Variants in ECE1 observed in about 807,000 individuals in gnomAD.
The protein encoded by ECE1 is endothelin converting enzyme 1.
In ECE1, 35 loss-of-function variants were observed where a neutral mutation model predicts 98.6. The observed-to-expected ratio is 0.35, with a 90% CI of 0.27 to 0.47. ECE1 has a LOEUF of 0.47. ECE1 is among the 20% of genes least tolerant of loss of function. ECE1 has a pLI of 1.00. For missense variants in ECE1, 814 were observed against 1,025.3 expected (o/e 0.79, Z 2.81); for synonymous variants, 394 against 407.1 (o/e 0.97, Z 0.39).
chr1:21,330,086 C>A (rs1639163259), intron 1 of ECE1, among the ~76,000 whole-genome samples: 1 of 151,016 alleles, frequency 6.6e-6, no homozygotes, highest in South Asian at 2.1e-4. Context: ...CTCCCTGGAC[C>A]AAGTTACTGG....
chr1:21,299,069 A>T (rs1374672692), intron 1 of ECE1: 1 of 351,090 alleles, frequency 2.8e-6, no homozygotes, highest in Non-Finnish European at 5.7e-6. Flanking sequence ...CAATGTGCTG[A>T]TCTAATCACG....
chr1:21,305,896 CTCTGT>C (rs879375534), intron 1 of ECE1, among the ~76,000 whole-genome samples: 2 of 152,336 alleles, frequency 1.3e-5, no homozygotes, highest in Non-Finnish European at 2.9e-5. Context: ...AGAGAGAACC[CTCTGT>C]TCTGAGTGGA....
intron 3 of ECE1, among the ~76,000 whole-genome samples, chr1:21,276,255 A>C (rs2098247024): frequency 6.6e-6 from 1 of 151,806 alleles, no homozygotes. Context: ...TGAACTCTTG[A>C]CCTCAGGTGA....
intron 10 of ECE1, among the ~76,000 whole-genome samples, chr1:21,240,895 C>T (rs891606908): frequency 1.3e-5 from 2 of 152,246 alleles, no homozygotes; most frequent in African/African-American, 4.8e-5. Context: ...CATTCCTTCA[C>T]ACGAGCTTTC....
intron 4 of ECE1, among the ~76,000 whole-genome samples, chr1:21,265,235 G>A (rs991179687): frequency 4.6e-5 from 7 of 152,162 alleles, no homozygotes; most frequent in Admixed American, 3.9e-4. Context: ...GCCTGCGGGA[G>A]GTGACTGGGC....
At chr1:21,288,217 T>C (rs528013931) in intron 2 of ECE1, among the ~76,000 whole-genome samples, 5 of 152,330 alleles carry the variant, frequency 3.3e-5, no homozygotes, top group Admixed American at 2.0e-4. Flanking sequence ...ACTCCAACCA[T>C]AGACAACAGC....
In ECE1 at chr1:21,272,779, G is replaced by A. The variant is rs142092671; in HGVS notation, c.413C>T (p.Pro138Leu). Residue 138 changes from proline to leucine, a missense_variant, in exon 4 of 19, where the codon CCA becomes CTA. Coordinates refer to ENST00000374893, the MANE Select transcript of ECE1 (RefSeq NM_001397.3). ...CCAGCGTGAGTGGCCATCAGGGACT[G>A]GGTTGGCCTTGATCCAGCCCCCACA... is the stretch of plus-strand genomic sequence containing the variant. The part of the protein sequence containing the change: ...YACGGWIKAN[P>L]VPDGHSRWGT... 101 of 1,614,290 alleles carry A rather than the reference G, an allele frequency of 6.3e-5. No homozygotes were observed. In the African/African-American group the frequency reaches 7.9e-4, roughly 13 times the overall value.
At chr1:21,284,484 G>C (rs1431477817) in intron 2 of ECE1, among the ~76,000 whole-genome samples, 1 of 152,218 alleles carries the variant, frequency 6.6e-6, no homozygotes, top group South Asian at 2.1e-4. Flanking sequence ...AAAAGAGAGA[G>C]GTGGAGAATG....
chr1:21,242,087 G>C (rs2098197192), intron 10 of ECE1, among the ~76,000 whole-genome samples: 1 of 152,196 alleles, frequency 6.6e-6, no homozygotes, highest in Admixed American at 6.5e-5. Context: ...GCTGCATGCA[G>C]CGCTTGAGCA....
intron 2 of ECE1, among the ~76,000 whole-genome samples, chr1:21,281,478 T>C (rs1480889610): frequency 6.6e-6 from 1 of 152,192 alleles, no homozygotes; most frequent in African/African-American, 2.4e-5. Context: ...AAAGTGCTTT[T>C]TCAGAGTAAT....
At chr1:21,223,519 T>C (rs918405365) in intron 17 of ECE1, among the ~76,000 whole-genome samples, 1 of 152,192 alleles carries the variant, frequency 6.6e-6, no homozygotes, top group Non-Finnish European at 1.5e-5. Flanking sequence ...CAGGCTGGAG[T>C]GCAGTGGCGC....
chr1:21,224,252 C>G (rs760356520), intron 17 of ECE1, among the ~76,000 whole-genome samples: 1 of 152,138 alleles, frequency 6.6e-6, no homozygotes, highest in African/African-American at 2.4e-5. Flanking sequence ...TTCCTTTTAC[C>G]CCCCGTTATT....
In ECE1 at chr1:21,322,496, C is replaced by T. The variant is rs981330393; in HGVS notation, c.3+22880G>A. On this transcript the variant is annotated intron_variant, in intron 1 of 18. Coordinates refer to the ECE1 transcript ENST00000415912. The surrounding 1 kb of genome is among the most constrained non-coding windows in gnomAD (Gnocchi z 4.1). The stretch of plus-strand genomic sequence containing the variant: ...CCCTTCTCACCTGGCCAGTGCAAGG[C>T]GCAGGCTGAGGCACAGGTTGGGGCT... Among the ~76,000 whole-genome samples, 9 of 152,324 alleles carry T rather than the reference C, an allele frequency of 5.9e-5. No individual in the cohort carries two copies. Among genetic ancestry groups the T allele is most frequent in the Admixed American group, 2.6e-4 (4 of 15,294 alleles).
chr1:21,338,879 C>G (rs975024846), intron 1 of ECE1, among the ~76,000 whole-genome samples: 33 of 152,306 alleles, frequency 2.2e-4, no homozygotes, highest in African/African-American at 7.0e-4. Context: ...ACGCTGTAAC[C>G]TAACTCTGCC....
intron 4 of ECE1, among the ~76,000 whole-genome samples, chr1:21,269,009 C>T (rs2098237238): frequency 6.6e-6 from 1 of 152,230 alleles, no homozygotes; most frequent in African/African-American, 2.4e-5. Context: ...ACCCCAGCTC[C>T]TGTGTTCACT....
At chr1:21,262,839 C>T (rs1383928672) in intron 4 of ECE1, among the ~76,000 whole-genome samples, 3 of 152,244 alleles carry the variant, frequency 2.0e-5, no homozygotes, top group Admixed American at 6.5e-5. Flanking sequence ...CACCTGGGTG[C>T]CACGCTCACT....
chr1:21,309,936 C>T (rs560090344), intron 1 of ECE1, among the ~76,000 whole-genome samples: 3 of 152,170 alleles, frequency 2.0e-5, no homozygotes, highest in South Asian at 2.1e-4. Context: ...GGACTACAGG[C>T]GCCCGCCACC....
At chr1:21,338,019 A>G (rs1639335023) in intron 1 of ECE1, among the ~76,000 whole-genome samples, 1 of 152,214 alleles carries the variant, frequency 6.6e-6, no homozygotes, top group Non-Finnish European at 1.5e-5. Context: ...CTTCTGTGAA[A>G]GAGCTGCTGA....
At chr1:21,313,433 A>G (rs950910137) in intron 1 of ECE1, among the ~76,000 whole-genome samples, 8 of 152,012 alleles carry the variant, frequency 5.3e-5, no homozygotes, top group Non-Finnish European at 8.8e-5. Flanking sequence ...ACAGTGGGGG[A>G]ATGATGACTG....
Sources: allele counts gnomAD v4.1 joint callset (sites outside exome capture counted in the v4.1 genomes callset), GRCh38; gene constraint gnomAD v4.1.1; non-coding constraint Gnocchi (gnomAD v3.1); transcripts MANE v1.5; gene names NCBI Gene and HGNC (gene_info 2026-07-23, HGNC 2026-07-21).